CRYBG3: variants seen among roughly 807,000 people sequenced by gnomAD.
CRYBG3 encodes very large A-kinase anchor protein.
CRYBG3 carries 127 observed loss-of-function variants against 244.2 expected under a neutral mutation model. The ratio of observed to expected loss-of-function variants is 0.52; its 90% confidence interval spans 0.45 to 0.60. The LOEUF is 0.60. Among genes scored for constraint, CRYBG3 ranks in the 20% least tolerant of loss-of-function variants. The pLI, the probability that CRYBG3 is intolerant of heterozygous loss-of-function variation, is 0.00. For synonymous variants in CRYBG3, 1,132 were observed against 1,195.8 expected, an observed-to-expected ratio of 0.95 and a Z score of 1.10; for missense variants, 3,325 against 3,442.5, an observed-to-expected ratio of 0.97 and a Z score of 0.85.
At chr3:97,831,607 G>T (rs1265315285) in intron 1 of CRYBG3, among the ~76,000 whole-genome samples, 1 of 152,048 alleles carries the variant, frequency 6.6e-6, no homozygotes, top group Non-Finnish European at 1.5e-5. Context: ...TTTATGAAGT[G>T]AGTATATGAT....
At chr3:97,888,043 G>T (rs1276266351) in intron 8 of CRYBG3, among the ~76,000 whole-genome samples, 1 of 152,158 alleles carries the variant, frequency 6.6e-6, no homozygotes, top group Non-Finnish European at 1.5e-5. Context: ...TTTCCCACTT[G>T]AATTAAAGGT....
chr3:97,908,123 T>A (rs1217452188), intron 15 of CRYBG3, among the ~76,000 whole-genome samples: 26 of 152,222 alleles, frequency 1.7e-4, no homozygotes, highest in African/African-American at 5.8e-4. Context: ...AGTTTGTTAT[T>A]ATTTCTATTC....
chr3:97,842,710 G>A (rs1192157474), intron 1 of CRYBG3, among the ~76,000 whole-genome samples: 1 of 152,120 alleles, frequency 6.6e-6, no homozygotes, highest in Non-Finnish European at 1.5e-5. Context: ...TTTGGGGCTA[G>A]ATAAACCTAC....
At chr3:97,839,856 A>T (rs2108166378) in intron 1 of CRYBG3, among the ~76,000 whole-genome samples, 1 of 151,832 alleles carries the variant, frequency 6.6e-6, no homozygotes, top group Admixed American at 6.6e-5. Flanking sequence ...AAGTATTGGG[A>T]TTACAGGCCA....
chr3:97,875,652 C>A lies in CRYBG3; in HGVS notation c.4458C>A (p.Ile1486=). 8.1e-7 allele frequency: 1 copy of A among 1,234,166 alleles called. No homozygotes were observed. The highest frequency in any genetic ancestry group is 1.0e-6 in the Non-Finnish European group (1 of 989,578). The allele number at this position is 1,234,166 out of a possible 1,614,324, so 76.5% of individuals were successfully genotyped here. The change falls in exon 4 of 22, where the codon ATC becomes ATA. Residue 1486 remains isoleucine, a synonymous_variant. Coordinates refer to ENST00000389622, the MANE Select transcript of CRYBG3 (RefSeq NM_153605.4). ...GGCCTCCACTTGTGAATGATGACAT[C>A]CATGCACCTGGTACATCTAAAAGCA... ...FKWPPLVNDD[I]HAPGTSKSSL...
At chr3:97,886,397 A>G (rs923130904) in intron 7 of CRYBG3, among the ~76,000 whole-genome samples, 9 of 152,214 alleles carry the variant, frequency 5.9e-5, no homozygotes, top group African/African-American at 2.2e-4. Flanking sequence ...CAAAGCAGAA[A>G]CATTGAGACA....
Position 97,873,667 on chromosome 3 carries a change from C to T in CRYBG3, c.2473C>T (p.Leu825Phe). 2 of 1,535,530 alleles carry T rather than the reference C, an allele frequency of 1.3e-6. No individual in the cohort carries two copies. The highest frequency in any genetic ancestry group is 2.4e-5 in the South Asian group (2 of 83,932). Residue 825 changes from leucine (L) to phenylalanine (F), a missense_variant, in exon 4 of 22, where the codon CTT becomes TTT. By Grantham distance (22) the Leu-to-Phe change is conservative. Coordinates refer to ENST00000389622, the MANE Select transcript of CRYBG3 (RefSeq NM_153605.4). Reference protein sequence around the residue: ...KAEIDGQNNVLVESHSGRGKT... With the variant: ...KAEIDGQNNVFVESHSGRGKT... ...TGAAATTGATGGTCAGAACAATGTTCTTGTGGAGTCACATTCTGGAAGAGG... is the reference window on the plus strand; with the variant it reads ...TGAAATTGATGGTCAGAACAATGTTTTTGTGGAGTCACATTCTGGAAGAGG...
chr3:97,856,678 C>G (rs935682643), intron 2 of CRYBG3, among the ~76,000 whole-genome samples: 1 of 152,118 alleles, frequency 6.6e-6, no homozygotes, highest in Non-Finnish European at 1.5e-5. Context: ...TTCATTTCCT[C>G]TAGGTTTTTT....
At chr3:97,912,542 T>A (rs2039884389) in intron 16 of CRYBG3, among the ~76,000 whole-genome samples, 1 of 152,216 alleles carries the variant, frequency 6.6e-6, no homozygotes, top group Non-Finnish European at 1.5e-5. Context: ...CTAAATATTT[T>A]GAATGTTTAT....
At position 97,874,089 on chromosome 3, in the gene CRYBG3, T is replaced by G; in HGVS notation, c.2895T>G (p.Cys965Trp). The change falls in exon 4 of 22, where the codon TGT (cysteine) becomes TGG (tryptophan). Residue 965 changes from cysteine (C) to tryptophan (W), a missense_variant. This residue lies in a region of CRYBG3 where 1,526 missense variants were observed against 1,443.2 expected (regional missense o/e 1.06). Transcript: ENST00000389622. Reference protein sequence around the residue: ...QMAQNCEAHTCVFHQSLDICG... With the variant: ...QMAQNCEAHTWVFHQSLDICG... ...CGCAGAATTGTGAAGCTCACACTTG[T>G]GTGTTTCATCAATCTTTGGATATTT... 6.5e-7 allele frequency: 1 copy of G among 1,535,892 alleles called. No individual in the cohort carries two copies. Among genetic ancestry groups the G allele is most frequent in the Non-Finnish European group, 8.7e-7 (1 of 1,146,832 alleles).
chr3:97,867,529 T>C (rs546331536), intron 3 of CRYBG3, among the ~76,000 whole-genome samples: 118 of 152,236 alleles, frequency 7.8e-4, no homozygotes, highest in Non-Finnish European at 1.5e-3. Flanking sequence ...ATGTGTTACC[T>C]AGAGGCTTAA....
chr3:97,908,925 T>C (rs1376147192), intron 15 of CRYBG3, among the ~76,000 whole-genome samples: 1 of 152,114 alleles, frequency 6.6e-6, no homozygotes, highest in African/African-American at 2.4e-5. Flanking sequence ...CTTCAGGAGC[T>C]CTTTTAGGGC....
In CRYBG3 at chr3:97,877,140, A is replaced by C. The variant is rs371140000; in HGVS notation, c.5946A>C (p.Lys1982Asn). The C allele has an allele frequency of 2.5e-6, 4 of 1,613,842 alleles. No individual in the cohort carries two copies. The African/African-American group carries it at 4.0e-5, about 16-fold the overall frequency. The change falls in exon 4 of 22, where the codon AAA (lysine) becomes AAC (asparagine). Residue 1982 changes from lysine (K) to asparagine (N), a missense_variant. Coordinates refer to ENST00000389622, the MANE Select transcript of CRYBG3 (RefSeq NM_153605.4). ...GGAGAGAGACAGATTATAGTGACAA[A>C]GGATATAATTTAGCTTTTGTTTCTC... ...DKRRETDYSD[K>N]GYNLAFVSQD...
At chr3:97,901,068 C>A (rs1365927043) in intron 15 of CRYBG3, among the ~76,000 whole-genome samples, 1 of 152,104 alleles carries the variant, frequency 6.6e-6, no homozygotes, top group African/African-American at 2.4e-5. Flanking sequence ...GTATTACTCC[C>A]ATTTATAGAC....
intron 3 of CRYBG3, 23 bp downstream of exon 3, chr3:97,864,670 C>T: frequency 1.6e-5 from 23 of 1,483,276 alleles, no homozygotes; most frequent in Non-Finnish European, 2.0e-5. Context: ...TTTCATTGAA[C>T]CAAAAAAAAT....
In CRYBG3 at chr3:97,903,395, A is replaced by G. The variant is rs2108242597; in HGVS notation, c.8004+2910A>G. Among the ~76,000 whole-genome samples, 2 of 152,318 alleles carry G rather than the reference A, an allele frequency of 1.3e-5. 1 individual carries two copies. Among genetic ancestry groups the G allele is most frequent in the Admixed American group, 1.3e-4 (2 of 15,284 alleles). ...TAGGAAGAATTATTTCAGTAAAGAA[A>G]GCCTTTATGGTTAATAAGGGAAATG... On this transcript the variant is annotated intron_variant, in intron 15 of 21. Coordinates refer to ENST00000389622, the MANE Select transcript of CRYBG3 (RefSeq NM_153605.4).
intron 15 of CRYBG3, among the ~76,000 whole-genome samples, chr3:97,907,583 G>A (rs1354008057): frequency 6.5e-4 from 94 of 144,778 alleles, no homozygotes; most frequent in African/African-American, 1.9e-3. Flanking sequence ...CTGTGGGATC[G>A]GTGGTGATAT....
intron 17 of CRYBG3, among the ~76,000 whole-genome samples, chr3:97,928,170 C>G (rs1359898918): frequency 1.3e-5 from 2 of 151,878 alleles, no homozygotes; most frequent in African/African-American, 2.4e-5. Context: ...CAACGTTGGA[C>G]TGGATAAAGA....
chr3:97,841,194 G>A (rs966128842), intron 1 of CRYBG3, among the ~76,000 whole-genome samples: 6 of 137,828 alleles, frequency 4.4e-5, no homozygotes, highest in African/African-American at 1.9e-4. Flanking sequence ...ATATATGTGT[G>A]TATATATGTA....
Sources: allele counts gnomAD v4.1 joint callset (sites outside exome capture counted in the v4.1 genomes callset), GRCh38; gene constraint gnomAD v4.1.1; regional missense constraint gnomAD v4.1.1; transcripts MANE v1.5; gene names NCBI Gene and HGNC (gene_info 2026-07-23, HGNC 2026-07-21).